The following PDE11A variants were observed in gnomAD, a reference collection of about 807,000 sequenced individuals.
PDE11A encodes the protein phosphodiesterase 11A.
A neutral mutation model predicts 100.5 loss-of-function variants in PDE11A; 100 were observed. That is an observed-to-expected ratio of 1.00 (90% CI 0.85 to 1.18). The LOEUF is 1.18. PDE11A is among the 50% of genes most tolerant of loss of function. The pLI, the probability that PDE11A is intolerant of heterozygous loss-of-function variation, is 0.00. For missense variants in PDE11A, 1,141 were observed against 1,152.6 expected (o/e 0.99, Z 0.15); for synonymous variants, 381 against 420.8 (o/e 0.91, Z 1.16).
intron 19 of PDE11A, among the ~76,000 whole-genome samples, chr2:177,631,524 T>A (rs1452886673): frequency 6.2e-5 from 1 of 16,140 alleles, no homozygotes; most frequent in African/African-American, 1.8e-4. Context: ...TATATATATA[T>A]ATATATATAT....
chr2:177,773,782 G>A (rs1225446603), intron 9 of PDE11A, among the ~76,000 whole-genome samples: 2 of 152,144 alleles, frequency 1.3e-5, no homozygotes, highest in Non-Finnish European at 2.9e-5. Flanking sequence ...TTGGTGAGCA[G>A]GGAGGAATCA....
chr2:178,096,164 C>CCTTTTTTTTTTTTTTTTTTTTTTT (rs2087486025), intron 2 of PDE11A, among the ~76,000 whole-genome samples: 1 of 110,220 alleles, frequency 9.1e-6, no homozygotes, highest in Non-Finnish European at 2.0e-5. Flanking sequence ...TTTTTCTTTT[C>CCTTTTTTTTTTTTTTTTTTTTTTT]TTTTCTTTTT....
chr2:177,936,887 A>G (rs528622898), intron 2 of PDE11A, among the ~76,000 whole-genome samples: 77 of 152,078 alleles, frequency 5.1e-4, no homozygotes, highest in African/African-American at 1.8e-3. Context: ...GCACTATTGC[A>G]CTCCAGCCTT....
intron 9 of PDE11A, among the ~76,000 whole-genome samples, chr2:177,789,199 T>G (rs978505390): frequency 6.6e-6 from 1 of 152,154 alleles, no homozygotes; most frequent in Non-Finnish European, 1.5e-5. Context: ...CATGATCAAG[T>G]GGGCTTCATC....
intron 3 of PDE11A, among the ~76,000 whole-genome samples, chr2:177,901,463 G>A (rs564484873): frequency 1.3e-5 from 2 of 152,244 alleles, no homozygotes; most frequent in South Asian, 4.1e-4. Flanking sequence ...TTTCTCTTTT[G>A]CAATTCCCCT....
At chr2:177,750,440 G>C (rs1016378296) in intron 10 of PDE11A, among the ~76,000 whole-genome samples, 1 of 152,222 alleles carries the variant, frequency 6.6e-6, no homozygotes, top group Non-Finnish European at 1.5e-5. Context: ...GCTCATTCTT[G>C]AAATAGTATC....
intron 2 of PDE11A, among the ~76,000 whole-genome samples, chr2:177,945,435 C>G (rs2085400342): frequency 7.1e-6 from 1 of 141,352 alleles, no homozygotes; most frequent in Non-Finnish European, 1.6e-5. Flanking sequence ...GCCCGGCCGC[C>G]CATCGTCTGA....
Position 178,102,428 on chromosome 2 carries a change from G to GT in PDE11A, c.162+1873dup, listed in dbSNP as rs769341186. Among the ~76,000 whole-genome samples, 178 of 55,352 alleles carry GT rather than the reference G, an allele frequency of 3.2e-3. 2 individuals carry two copies. Among genetic ancestry groups the GT allele is most frequent in the South Asian group, 0.012 (17 of 1,366 alleles). 36.3% of individuals were successfully genotyped at this position (55,352 alleles called of 152,430 possible). On this transcript the variant is annotated intron_variant, in intron 2 of 20. Transcript: ENST00000358450. ...GCGTAAGCCACCATGCCTGGTCTAAGTTTTTTTTTTTTTTTTTTTTTTTTT... is the reference window on the plus strand; with the variant it reads ...GCGTAAGCCACCATGCCTGGTCTAAGTTTTTTTTTTTTTTTTTTTTTTTTTT...
chr2:178,048,993 C>T (rs1291868410), intron 1 of PDE11A, among the ~76,000 whole-genome samples: 4 of 152,244 alleles, frequency 2.6e-5, no homozygotes, highest in East Asian at 3.9e-4. Flanking sequence ...GACCTAACTT[C>T]TCAGTGCTTG....
chr2:178,087,645 G>T (rs2087375897), intron 2 of PDE11A, among the ~76,000 whole-genome samples: 1 of 152,084 alleles, frequency 6.6e-6, no homozygotes, highest in Non-Finnish European at 1.5e-5. Flanking sequence ...CATTATTTGG[G>T]TGATGGATAC....
intron 9 of PDE11A, among the ~76,000 whole-genome samples, chr2:177,774,088 G>A (rs2082347700): frequency 6.6e-6 from 1 of 152,174 alleles, no homozygotes; most frequent in Admixed American, 6.5e-5. Context: ...CGAGAACCCA[G>A]TAATATCTGT....
At chr2:177,827,970 A>G (rs2083252920) in intron 6 of PDE11A, among the ~76,000 whole-genome samples, 1 of 152,252 alleles carries the variant, frequency 6.6e-6, no homozygotes, top group Non-Finnish European at 1.5e-5. Flanking sequence ...CCAAAGATAC[A>G]GCAAGGCAAG....
intron 2 of PDE11A, chr2:178,104,196 G>A: frequency 1.0e-6 from 1 of 998,914 alleles, no homozygotes; most frequent in Non-Finnish European, 1.6e-6. Flanking sequence ...GTAAAGAGTG[G>A]TCCATTTTTA....
rs976325268 is a variant in PDE11A, at chr2:177,623,690, A to G, written c.*5717T>C. ...ACACAGAAAATGAACACAGATATAA[A>G]CGGTGGCACAAATAATACATTTTTC... On this transcript the variant is annotated 3_prime_UTR_variant, in exon 20 of 20. Transcript: ENST00000286063. The G allele has an allele frequency of 6.6e-6, 1 of 152,214 alleles. No homozygotes were observed. Among genetic ancestry groups the G allele is most frequent in the African/African-American group, 2.4e-5 (1 of 41,448 alleles). 9.4% of individuals were successfully genotyped at this position (152,214 alleles called of 1,614,324 possible).
intron 12 of PDE11A, among the ~76,000 whole-genome samples, chr2:177,718,016 G>T (rs1056424322): frequency 1.3e-5 from 2 of 152,160 alleles, no homozygotes; most frequent in African/African-American, 2.4e-5. Flanking sequence ...ATCAACACTA[G>T]ATGGTGCTAT....
chr2:177,942,077 C>T (rs1376085193), intron 2 of PDE11A, among the ~76,000 whole-genome samples: 1 of 152,180 alleles, frequency 6.6e-6, no homozygotes, highest in African/African-American at 2.4e-5. Context: ...ACAAGAAATG[C>T]TATTGCTTTA....
At chr2:177,880,005 A>C (rs2084302840) in intron 4 of PDE11A, among the ~76,000 whole-genome samples, 1 of 152,238 alleles carries the variant, frequency 6.6e-6, no homozygotes, top group Admixed American at 6.5e-5. Context: ...ACTATGTATC[A>C]TTCAACTTCA....
chr2:177,904,065 CAGATT>C (rs1446129936), intron 3 of PDE11A, among the ~76,000 whole-genome samples: 1 of 152,044 alleles, frequency 6.6e-6, no homozygotes, highest in Admixed American at 6.6e-5. Context: ...ACTTGATGGC[CAGATT>C]AATTAGGGTT....
chr2:177,689,063 A>C (rs2081001177), intron 15 of PDE11A, among the ~76,000 whole-genome samples: 1 of 152,090 alleles, frequency 6.6e-6, no homozygotes, highest in Admixed American at 6.6e-5. Flanking sequence ...TCATCACTGT[A>C]ACTCTCCTCA....
Sources: allele counts gnomAD v4.1 joint callset (sites outside exome capture counted in the v4.1 genomes callset), GRCh38; gene constraint gnomAD v4.1.1; transcripts MANE v1.5; gene names NCBI Gene and HGNC (gene_info 2026-07-23, HGNC 2026-07-21).